Variants in ZNF292 observed in about 807,000 individuals in gnomAD.
ZNF292 encodes zinc finger protein 292.
Under a neutral mutation model 217.9 loss-of-function variants are expected in ZNF292, and 26 were observed. That is an observed-to-expected ratio of 0.12 (90% CI 0.09 to 0.17). The LOEUF is 0.17. Ranked by LOEUF, ZNF292 falls within the 10% of genes least tolerant of loss-of-function variation. ZNF292 has a pLI of 1.00. For synonymous variants in ZNF292, 1,257 were observed against 1,124.1 expected, an observed-to-expected ratio of 1.12 and a Z score of -2.37; for missense variants, 2,904 against 3,175.2, an observed-to-expected ratio of 0.91 and a Z score of 2.05.
chr6:87,209,468 A>G (rs1772392137), intron 1 of ZNF292, among the ~76,000 whole-genome samples: 1 of 152,240 alleles, frequency 6.6e-6, no homozygotes, highest in African/African-American at 2.4e-5. Flanking sequence ...AGTTTTAAAG[A>G]GTATTTCACA....
intron 1 of ZNF292, among the ~76,000 whole-genome samples, chr6:87,215,535 A>G (rs930123319): frequency 6.6e-6 from 1 of 152,166 alleles, no homozygotes; most frequent in Admixed American, 6.5e-5. Context: ...CGAGAAATAG[A>G]AAACAGATAT....
At chr6:87,239,195 T>C (rs1377853933) in intron 5 of ZNF292, among the ~76,000 whole-genome samples, 2 of 152,254 alleles carry the variant, frequency 1.3e-5, no homozygotes, top group Non-Finnish European at 2.9e-5. Flanking sequence ...AGCTGTTGGG[T>C]ACACCTCCCA....
At chr6:87,240,790 T>TA (rs1434324288) in intron 5 of ZNF292, among the ~76,000 whole-genome samples, 3 of 152,272 alleles carry the variant, frequency 2.0e-5, no homozygotes, top group Admixed American at 6.5e-5. Flanking sequence ...TTTCAAGAAA[T>TA]ACGGATTTTT....
chr6:87,265,495 C>A lies in ZNF292; in HGVS notation c.*3694C>A, dbSNP rs934199919. 1.4e-4 allele frequency among the ~76,000 whole-genome samples: 21 copies of A among 152,138 alleles called. No individual in the cohort carries two copies. The highest frequency in any genetic ancestry group is 2.4e-4 in the Non-Finnish European group (16 of 68,016). ...TCCACCTCCCAAAGTGCAGGTATTA[C>A]AAGCATGAGCCACCACACCCAGCCT... On this transcript the variant is annotated 3_prime_UTR_variant, in exon 8 of 8. Transcript: ENST00000369577.
chr6:87,204,497 TC>T (rs1772184463), intron 1 of ZNF292, among the ~76,000 whole-genome samples: 1 of 150,868 alleles, frequency 6.6e-6, no homozygotes, highest in African/African-American at 2.4e-5. Context: ...TGTGATTGTT[TC>T]AAAAATTTTT....
At chr6:87,206,106 C>G (rs1206292432) in intron 1 of ZNF292, among the ~76,000 whole-genome samples, 1 of 152,156 alleles carries the variant, frequency 6.6e-6, no homozygotes, top group African/African-American at 2.4e-5. Context: ...GGACAGCAAG[C>G]TAATCTGGAC....
At chr6:87,214,579 G>A (rs1182645690) in intron 1 of ZNF292, among the ~76,000 whole-genome samples, 1 of 152,118 alleles carries the variant, frequency 6.6e-6, no homozygotes, top group African/African-American at 2.4e-5. Context: ...TTGCTGTGGA[G>A]TTGGTTTTGG....
intron 1 of ZNF292, among the ~76,000 whole-genome samples, chr6:87,210,641 T>C (rs7770509): frequency 0.54 from 81,446 of 152,030 alleles, 22,276 homozygotes; most frequent in Admixed American, 0.62. Context: ...GTAGCCAGGC[T>C]TGGTGGCGGG....
At position 87,245,359 on chromosome 6, in the gene ZNF292, CT is replaced by C. The variant is rs1324798036; in HGVS notation, c.879-143del. On this transcript the variant is annotated intron_variant, in intron 6 of 7. Coordinates refer to ENST00000369577, the MANE Select transcript of ZNF292 (RefSeq NM_015021.3). Reference sequence around the variant, plus strand: ...TATTTGGTATTTAGAAAATTGGGATCTGTTTTCTTGCATTTTAACTTAAGCA... The same window carrying C: ...TATTTGGTATTTAGAAAATTGGGATCGTTTTCTTGCATTTTAACTTAAGCA... The C allele has an allele frequency of 8.6e-6, 4 of 463,212 alleles. No individual in the cohort carries two copies. In the South Asian group the frequency reaches 1.9e-4, roughly 22 times the overall value. The allele number at this position is 463,212 out of a possible 1,614,324, so 28.7% of individuals were successfully genotyped here. A position where few individuals can be genotyped will look rare whatever the true frequency, so the allele number is the denominator to read the frequency against.
chr6:87,243,146 A>G (rs1231666755), intron 5 of ZNF292, among the ~76,000 whole-genome samples: 1 of 152,116 alleles, frequency 6.6e-6, no homozygotes, highest in Non-Finnish European at 1.5e-5. Context: ...ATCTGATTTA[A>G]TGGGTAGAGA....
At chr6:87,191,319 A>T (rs572789745) in intron 1 of ZNF292, among the ~76,000 whole-genome samples, 2 of 152,332 alleles carry the variant, frequency 1.3e-5, no homozygotes, top group East Asian at 3.9e-4. Flanking sequence ...TCATAATTTT[A>T]AGAAAATTTA....
chr6:87,244,819 AT>A lies in ZNF292; in HGVS notation c.879-676del, dbSNP rs574346736. Among the ~76,000 whole-genome samples the A allele has an allele frequency of 2.5e-3, 385 of 151,948 alleles. 2 individuals are homozygous for A. The highest frequency in any genetic ancestry group is 8.5e-3 in the African/African-American group (352 of 41,428). Reference sequence around the variant, plus strand: ...ATGCTGTTTAAAAATCATGTCATTGATTTTTTTTATATATATATTATATATA... The same window carrying A: ...ATGCTGTTTAAAAATCATGTCATTGATTTTTTTATATATATATTATATATA... On this transcript the variant is annotated intron_variant, in intron 6 of 7. Coordinates refer to ENST00000369577, the MANE Select transcript of ZNF292 (RefSeq NM_015021.3).
chr6:87,249,893 A>G (rs1774813741), intron 7 of ZNF292, among the ~76,000 whole-genome samples: 2 of 151,946 alleles, frequency 1.3e-5, no homozygotes, highest in South Asian at 4.1e-4. Flanking sequence ...TATTTTTAGT[A>G]GAGACAGGGT....
rs1775538904 is a variant in ZNF292, at chr6:87,260,822, C to G, written c.7193C>G (p.Thr2398Arg). 3.1e-6 allele frequency: 5 copies of G among 1,612,234 alleles called. No individual in the cohort carries two copies. The highest frequency in any genetic ancestry group is 4.2e-6 in the Non-Finnish European group (5 of 1,179,062). Residue 2398 changes from threonine to arginine, a missense_variant, in exon 8 of 8, where the codon ACA becomes AGA. Transcript: ENST00000369577. The stretch of plus-strand genomic sequence containing the variant: ...ATAAAGGGATGTACTTCAGTTGTTA[C>G]AAGTGAAAGCAATATAATTAGACAT... ...CMIKGCTSVV[T>R]SESNIIRHYK...
chr6:87,215,477 A>G (rs1424045120), intron 1 of ZNF292, among the ~76,000 whole-genome samples: 3 of 152,152 alleles, frequency 2.0e-5, no homozygotes, highest in Non-Finnish European at 4.4e-5. Context: ...TTTGCTGACC[A>G]TACATGATTT....
At position 87,261,983 on chromosome 6, in the gene ZNF292, G is replaced by T; in HGVS notation, c.*182G>T. 2.3e-6 allele frequency: 1 copy of T among 427,762 alleles called. No individual in the cohort carries two copies. The highest frequency in any genetic ancestry group is 4.1e-6 in the Non-Finnish European group (1 of 244,738). The allele number at this position is 427,762 out of a possible 1,614,324, so 26.5% of individuals were successfully genotyped here. A position where few individuals can be genotyped will look rare whatever the true frequency, so the allele number is the denominator to read the frequency against. ...ATGTAAAACTTTTTTTTATCCCTATGGGACTTGAGGAACAGAATCAGTACT... is the reference window on the plus strand; with the variant it reads ...ATGTAAAACTTTTTTTTATCCCTATTGGACTTGAGGAACAGAATCAGTACT... On this transcript the variant is annotated 3_prime_UTR_variant, in exon 8 of 8. Transcript: ENST00000369577.
rs370957016 is a variant in ZNF292 at position 87,256,091 on chromosome 6, A to G, written c.2462A>G (p.Gln821Arg). Residue 821 changes from glutamine to arginine, a missense_variant, in exon 8 of 8, where the codon CAG (glutamine) becomes CGG (arginine). Gln to Arg is a conservative substitution (Grantham distance 43, BLOSUM62 1). Coordinates refer to ENST00000369577, the MANE Select transcript of ZNF292 (RefSeq NM_015021.3). ...FTGCGKVYRSQGELEKHLDDH... is the reference protein window; with the variant it reads ...FTGCGKVYRSRGELEKHLDDH... ...GGTTGTGGTAAAGTTTATCGTTCTC[A>G]GGGTGAGCTGGAAAAGCATCTGGAT... 5 of 1,613,308 alleles carry G rather than the reference A, an allele frequency of 3.1e-6. No homozygotes were observed. Among genetic ancestry groups the G allele is most frequent in the Non-Finnish European group, 4.2e-6 (5 of 1,179,588 alleles).
intron 4 of ZNF292, among the ~76,000 whole-genome samples, chr6:87,225,251 T>G (rs886361925): frequency 2.0e-5 from 3 of 152,190 alleles, no homozygotes; most frequent in African/African-American, 4.8e-5. Flanking sequence ...TTGTATATTT[T>G]GGGTACAAGT....
At chr6:87,240,365 G>A (rs1016060614) in intron 5 of ZNF292, among the ~76,000 whole-genome samples, 2 of 145,966 alleles carry the variant, frequency 1.4e-5, no homozygotes, top group African/African-American at 2.5e-5. Flanking sequence ...AGGGAGACCC[G>A]TGGCGGTGGG....
Sources: allele counts gnomAD v4.1 joint callset (sites outside exome capture counted in the v4.1 genomes callset), GRCh38; gene constraint gnomAD v4.1.1; transcripts MANE v1.5; gene names NCBI Gene and HGNC (gene_info 2026-07-23, HGNC 2026-07-21).